Variants in TUBB8B observed in about 807,000 individuals in gnomAD.
TUBB8B encodes HSA18p11 beta-tubulin 4Q pseudogene.
In TUBB8B, 26 loss-of-function variants were observed where a neutral mutation model predicts 31.9. The ratio of observed to expected loss-of-function variants is 0.81; its 90% CI spans 0.60 to 1.13. The LOEUF (loss-of-function observed/expected upper bound fraction) is 1.13, where lower values mean the gene tolerates loss of function less well. Ranked by LOEUF, TUBB8B falls within the 50% of genes most tolerant of loss-of-function variation. The pLI, the probability that TUBB8B is intolerant of heterozygous loss-of-function variation, is 0.00. For synonymous variants in TUBB8B, 173 were observed against 231.0 expected (o/e 0.75, Z 2.28); for missense variants, 467 against 586.7 (o/e 0.80, Z 2.11).
the TUBB8B span, among the ~76,000 whole-genome samples, chr18:55,210 T>G: frequency 6.6e-6 from 1 of 151,770 alleles, no homozygotes; most frequent in East Asian, 1.9e-4. Flanking sequence ...CAAGCAATTC[T>G]CTGCCTCAGC....
At chr18:64,365 A>G in the TUBB8B span, among the ~76,000 whole-genome samples, 1 of 152,226 alleles carries the variant, frequency 6.6e-6, no homozygotes, top group East Asian at 1.9e-4. Flanking sequence ...AAATAAATGA[A>G]AAGTTGCTTA....
chr18:61,563 A>G, the TUBB8B span, among the ~76,000 whole-genome samples: 1 of 151,456 alleles, frequency 6.6e-6, no homozygotes, highest in African/African-American at 2.4e-5. Flanking sequence ...AAGGTGATTT[A>G]TATTTTAATA....
At chr18:52,256 T>C (rs1369004944), upstream of TUBB8B, among the ~76,000 whole-genome samples, 1 of 151,934 alleles carries the variant, frequency 6.6e-6, no homozygotes, top group Non-Finnish European at 1.5e-5. Context: ...GTTTGGGGCC[T>C]CTTTCCTGGG....
the TUBB8B span, among the ~76,000 whole-genome samples, chr18:64,006 C>A: frequency 6.6e-6 from 1 of 150,444 alleles, no homozygotes; most frequent in Non-Finnish European, 1.5e-5. Flanking sequence ...TGACCCCTAA[C>A]CACTGACCCC....
the TUBB8B span, among the ~76,000 whole-genome samples, chr18:59,809 G>T: frequency 6.6e-6 from 1 of 151,706 alleles, no homozygotes; most frequent in Non-Finnish European, 1.5e-5. Context: ...TTCCAAAAGT[G>T]CTGGGATTAC....
the TUBB8B span, among the ~76,000 whole-genome samples, chr18:69,299 C>CAA: frequency 1.3e-5 from 2 of 150,540 alleles, no homozygotes; most frequent in African/African-American, 4.9e-5. Flanking sequence ...CTCATCTCTA[C>CAA]AAAAAAAAAC....
chr18:72,196 A>AAAAAAAAAAAAAAAAAAAAAAAAAAC, the TUBB8B span, among the ~76,000 whole-genome samples: 246 of 84,330 alleles, frequency 2.9e-3, 27 homozygotes, highest in East Asian at 9.9e-3. Flanking sequence ...AAAAAAAAAA[A>AAAAAAAAAAAAAAAAAAAAAAAAAAC]AAAGGAAAAA....
rs1247560143 is a variant in TUBB8B, at chr18:49,053, G to T, written c.167-3C>A. ...AGCGCGGGGCACGTACCTGCCACCTGCGTGGGGCGGGAGGGCATGAGCGAG... is the reference window on the plus strand; with the variant it reads ...AGCGCGGGGCACGTACCTGCCACCTTCGTGGGGCGGGAGGGCATGAGCGAG... On this transcript the variant is annotated splice_region_variant and splice_polypyrimidine_tract_variant and intron_variant, in intron 2 of 3. Transcript: ENST00000308911. 1.3e-6 allele frequency: 2 copies of T among 1,594,240 alleles called. No individual in the cohort carries two copies. Among genetic ancestry groups the T allele is most frequent in the Admixed American group, 3.3e-5 (2 of 59,864 alleles).
chr18:53,542 C>T (rs1646120071), upstream of TUBB8B, among the ~76,000 whole-genome samples: 1 of 151,754 alleles, frequency 6.6e-6, no homozygotes, highest in South Asian at 2.1e-4. Flanking sequence ...CATCTTGGTT[C>T]ACTGAAACCT....
rs1371209764 is a variant in TUBB8B at position 48,048 on chromosome 18, T to C, written c.677A>G (p.Asn226Ser). 1 of 1,613,244 alleles carries C rather than the reference T, an allele frequency of 6.2e-7. No homozygotes were observed. The highest frequency in any genetic ancestry group is 1.1e-5 in the South Asian group (1 of 91,040). ...ACTCATGGTAGCAGACACCAGGTGG[T>C]TCAGGTCACCATAGGTGGGTGTGGG... ...KLPTPTYGDL[N>S]HLVSATMSGV... Residue 226 changes from asparagine (N) to serine (S), a missense_variant, in exon 4 of 4, where the codon AAC becomes AGC. Transcript: ENST00000308911.
In TUBB8B at chr18:47,558, G is replaced by A. The variant is rs1432493561; in HGVS notation, c.1167C>T (p.Phe389=). 3.7e-6 allele frequency: 6 copies of A among 1,611,216 alleles called. No individual in the cohort carries two copies. Among genetic ancestry groups the A allele is most frequent in the Non-Finnish European group, 3.4e-6 (4 of 1,178,484 alleles). The change falls in exon 4 of 4, where the codon TTC becomes TTT. Residue 389 remains phenylalanine, a synonymous_variant. Coordinates refer to ENST00000308911, the MANE Select transcript of TUBB8B (RefSeq NM_001358689.2). ...ACCAGTGGAGGAAGGCCTTGCGCCT[G>A]AACATTGCTGTAAACTGCTCTGAGA... ...TCVSEQFTAM[F]RRKAFLHWYT...
upstream of TUBB8B, among the ~76,000 whole-genome samples, chr18:50,995 C>T (rs1906079020): frequency 6.6e-6 from 1 of 151,832 alleles, no homozygotes; most frequent in African/African-American, 2.4e-5. Context: ...AAGCATGAAG[C>T]ACTAAAAAAT....
chr18:60,864 G>C, the TUBB8B span, among the ~76,000 whole-genome samples: 4 of 151,570 alleles, frequency 2.6e-5, no homozygotes, highest in Non-Finnish European at 4.4e-5. Context: ...TTTTAGACTT[G>C]TTACATAATA....
At chr18:70,387 CTT>C in the TUBB8B span, among the ~76,000 whole-genome samples, 5 of 150,632 alleles carry the variant, frequency 3.3e-5, no homozygotes, top group East Asian at 3.9e-4. Flanking sequence ...AATCCCAACA[CTT>C]TGGGAGGACA....
chr18:67,039 A>T, the TUBB8B span, among the ~76,000 whole-genome samples: 1 of 147,600 alleles, frequency 6.8e-6, no homozygotes, highest in Non-Finnish European at 1.5e-5. Flanking sequence ...TCTGTCACCC[A>T]GGGTGGAGTG....
the TUBB8B span, among the ~76,000 whole-genome samples, chr18:61,200 T>C: frequency 6.6e-6 from 1 of 151,646 alleles, no homozygotes; most frequent in Non-Finnish European, 1.5e-5. Context: ...TATTATATAA[T>C]GACCTTCTTA....
the TUBB8B span, among the ~76,000 whole-genome samples, chr18:56,850 G>T: frequency 6.6e-6 from 1 of 151,872 alleles, no homozygotes; most frequent in Non-Finnish European, 1.5e-5. Context: ...TTCTGGTCAA[G>T]CCTCTGACAA....
rs1425510235 is a variant in TUBB8B at position 49,068 on chromosome 18, G to A, written c.167-18C>T. The A allele has an allele frequency of 5.1e-6, 8 of 1,574,066 alleles. No homozygotes were observed. Among genetic ancestry groups the A allele is most frequent in the Middle Eastern group, 2.3e-4 (1 of 4,388 alleles). ...CCTGCCACCTGCGTGGGGCGGGAGG[G>A]CATGAGCGAGGGGAGGGCCGCGTTC... On this transcript the variant is annotated intron_variant, in intron 2 of 3. Coordinates refer to ENST00000308911, the MANE Select transcript of TUBB8B (RefSeq NM_001358689.2).
rs1315318800 is a variant in TUBB8B at position 48,016 on chromosome 18, T to C, written c.709A>G (p.Thr237Ala). 5 of 1,612,466 alleles carry C rather than the reference T, an allele frequency of 3.1e-6. No homozygotes were observed. The highest frequency in any genetic ancestry group is 1.7e-5 in the Admixed American group (1 of 60,026). ...TGGCCTGGGAAGCGCAGGCATGTGGTGACCCCACTCATGGTAGCAGACACC... is the reference window on the plus strand; with the variant it reads ...TGGCCTGGGAAGCGCAGGCATGTGGCGACCCCACTCATGGTAGCAGACACC... ...HLVSATMSGVTTCLRFPGQLN... is the reference protein window; with the variant it reads ...HLVSATMSGVATCLRFPGQLN... The change falls in exon 4 of 4, where the codon ACC (threonine) becomes GCC (alanine). Residue 237 changes from threonine (T) to alanine (A), a missense_variant. Thr to Ala is a moderately conservative substitution (Grantham distance 58, BLOSUM62 0). Transcript: ENST00000308911.
Sources: gnomAD v4.1 joint callset for allele counts (sites outside exome capture counted in the v4.1 genomes callset) on GRCh38, gnomAD v4.1.1 for gene constraint, MANE v1.5 for transcripts, NCBI Gene and HGNC (gene_info 2026-07-23, HGNC 2026-07-21) for gene names.